The following WNT10A variants were observed in gnomAD, a reference collection of about 807,000 sequenced individuals.
The protein encoded by WNT10A is Wnt family member 10A.
A neutral mutation model predicts 36.1 loss-of-function variants in WNT10A; 37 were observed. The observed-to-expected ratio is 1.02, with a 90% confidence interval of 0.79 to 1.35. The LOEUF is 1.35. Among genes scored for constraint, WNT10A ranks in the 40% most tolerant of loss-of-function variants. The pLI is 0.00. For synonymous variants in WNT10A, 255 were observed against 254.1 expected (o/e 1.00, Z -0.03); for missense variants, 613 against 601.4 (o/e 1.02, Z -0.20).
At chr2:218,875,511 G>C in the WNT10A span, among the ~76,000 whole-genome samples, 9 of 152,158 alleles carry the variant, frequency 5.9e-5, no homozygotes, top group Non-Finnish European at 1.2e-4. Flanking sequence ...TCAAAGGAAA[G>C]TGTACCAAAC....
intron 1 of WNT10A, among the ~76,000 whole-genome samples, chr2:218,881,362 G>A (rs576027063): frequency 6.6e-6 from 1 of 152,164 alleles, no homozygotes; most frequent in Non-Finnish European, 1.5e-5. Context: ...GTGTGTGTGG[G>A]GGGGGAGCAA....
At chr2:218,875,967 AC>A (rs1039468032), upstream of WNT10A, among the ~76,000 whole-genome samples, 2 of 152,140 alleles carry the variant, frequency 1.3e-5, no homozygotes, top group Admixed American at 6.5e-5. Flanking sequence ...GTACAGCTGA[AC>A]CCAGGGGCTC....
intron 2 of WNT10A, among the ~76,000 whole-genome samples, chr2:218,884,873 T>C (rs6740465): frequency 0.041 from 6,184 of 152,304 alleles, 436 homozygotes; most frequent in African/African-American, 0.14. Context: ...TGCTGACCCC[T>C]TTTCTGACCC....
chr2:218,889,330 G>A (rs1944617751), intron 2 of WNT10A, among the ~76,000 whole-genome samples: 1 of 152,184 alleles, frequency 6.6e-6, no homozygotes, highest in South Asian at 2.1e-4. Flanking sequence ...TTGGTTGATG[G>A]GCATTTGGGC....
intron 2 of WNT10A, chr2:218,884,321 G>C (rs1041132981): frequency 9.3e-5 from 14 of 150,974 alleles, no homozygotes; most frequent in African/African-American, 2.2e-4. Context: ...TAATAAGCTC[G>C]AGGTGAGCTG....
Position 218,880,904 on chromosome 2 carries a change from G to A in WNT10A, c.-92G>A. On this transcript the variant is annotated 5_prime_UTR_variant, in exon 1 of 4. Transcript: ENST00000258411. This position sits in a 1 kb window ranked among gnomAD's most constrained non-coding sequence, Gnocchi z 7.7. ...CGGAGCTGTGTGTCGCAGCCGCCCC[G>A]ACCCCCCGCCGATCATGCGCCGGCG... The A allele has an allele frequency of 1.4e-6, 2 of 1,423,942 alleles. No homozygotes were observed. The highest frequency in any genetic ancestry group is 2.8e-5 in the Admixed American group (1 of 36,172). 88.2% of individuals were successfully genotyped at this position (1,423,942 alleles called of 1,614,324 possible). A position where few individuals can be genotyped will look rare whatever the true frequency, so the allele number is the denominator to read the frequency against.
In WNT10A at chr2:218,881,034, A is replaced by T. The variant is rs1944506244; in HGVS notation, c.39A>T (p.Arg13=). The change falls in exon 1 of 4, where the codon CGA becomes CGT. Residue 13 remains arginine (R), a synonymous_variant. Transcript: ENST00000258411. The part of the protein sequence containing the change: ...SAHPRPWLRL[R]PQPQPRPALW... ...ACCCTCGCCCCTGGCTGCGGCTCCG[A>T]CCCCAGCCCCAGCCGCGGCCAGCGC... 1 of 1,600,366 alleles carries T rather than the reference A, an allele frequency of 6.2e-7. No homozygotes were observed. The highest frequency in any genetic ancestry group is 8.5e-7 in the Non-Finnish European group (1 of 1,173,990).
chr2:218,886,215 G>A (rs962630813), intron 2 of WNT10A, among the ~76,000 whole-genome samples: 37 of 150,612 alleles, frequency 2.5e-4, no homozygotes, highest in African/African-American at 7.6e-4. Context: ...ATACGTGCAC[G>A]CACACACACA....
chr2:218,890,510 A>C, intron 3 of WNT10A, 147 bp downstream of exon 3: 3 of 1,197,996 alleles, frequency 2.5e-6, no homozygotes, highest in Non-Finnish European at 3.6e-6. Context: ...TTCAACAAAC[A>C]TGCACTGAGT....
intron 3 of WNT10A, among the ~76,000 whole-genome samples, chr2:218,890,629 C>G (rs1944640243): frequency 6.6e-6 from 1 of 152,190 alleles, no homozygotes; most frequent in African/African-American, 2.4e-5. Flanking sequence ...TCTCCTACTT[C>G]CTCGGGTGAT....
Position 218,890,332 on chromosome 2 carries a change from T to C in WNT10A, c.725T>C (p.Met242Thr), listed in dbSNP as rs370462053. The C allele has an allele frequency of 3.1e-6, 5 of 1,600,856 alleles. No individual in the cohort carries two copies. The highest frequency in any genetic ancestry group is 4.2e-6 in the Non-Finnish European group (5 of 1,179,910). The change falls in exon 3 of 4, where the codon ATG becomes ACG. Residue 242 changes from methionine (M) to threonine (T), a missense_variant. Met to Thr is a moderately conservative substitution (Grantham distance 81). Transcript: ENST00000258411. ...REPHRDIHAR[M>T]RLHNNRVGRQ... ...CCTCACAGAGACATCCACGCGAGAA[T>C]GAGGCTTCACAACAACCGAGTTGGG...
At chr2:218,881,160 G>T (rs1450606982) in intron 1 of WNT10A, 52 bp downstream of exon 1, 2 of 1,554,070 alleles carry the variant, frequency 1.3e-6, no homozygotes, top group East Asian at 2.4e-5. Flanking sequence ...ACCCCGGCCT[G>T]CAGGGGCCTC....
At chr2:218,879,175 G>C (rs1198794763), upstream of WNT10A, among the ~76,000 whole-genome samples, 3 of 150,760 alleles carry the variant, frequency 2.0e-5, no homozygotes, top group African/African-American at 4.9e-5. Flanking sequence ...GGAGTATGCC[G>C]TCAGCCTGCT....
intron 1 of WNT10A, among the ~76,000 whole-genome samples, chr2:218,881,540 C>CTGTGTGTGTGTGTGTG (rs142861827): frequency 3.5e-5 from 5 of 141,540 alleles, no homozygotes; most frequent in Non-Finnish European, 6.0e-5. Flanking sequence ...GCTGCAAGAG[C>CTGTGTGTGTGTGTGTG]TGTGTGTGTG....
intron 3 of WNT10A, among the ~76,000 whole-genome samples, chr2:218,891,280 T>C (rs1378867851): frequency 6.6e-6 from 1 of 152,236 alleles, no homozygotes; most frequent in Non-Finnish European, 1.5e-5. Context: ...TCTGATGCCC[T>C]GTTGGCTCTC....
At position 218,893,646 on chromosome 2, in the gene WNT10A, G is replaced by A. The variant is rs575536603; in HGVS notation, c.*375G>A. On this transcript the variant is annotated 3_prime_UTR_variant, in exon 4 of 4. Transcript: ENST00000258411. This position sits in a 1 kb window ranked among gnomAD's most constrained non-coding sequence, Gnocchi z 6.3. ...AGGTGGGGAATGAATGGAAGCTGAC[G>A]GGCAGAGAGAGGAGGATTAAAAAAA... 2 of 255,458 alleles carry A rather than the reference G, an allele frequency of 7.8e-6. No homozygotes were observed. The highest frequency in any genetic ancestry group is 2.2e-5 in the African/African-American group (1 of 45,230). 15.8% of individuals were successfully genotyped at this position (255,458 alleles called of 1,614,324 possible). A position where few individuals can be genotyped will look rare whatever the true frequency, so the allele number is the denominator to read the frequency against.
intron 2 of WNT10A, among the ~76,000 whole-genome samples, chr2:218,888,205 G>A (rs1289840125): frequency 6.6e-6 from 1 of 152,254 alleles, no homozygotes; most frequent in Non-Finnish European, 1.5e-5. Context: ...TCTCTGGTGT[G>A]CGGAGGCTGG....
At chr2:218,888,423 C>T (rs887336908) in intron 2 of WNT10A, among the ~76,000 whole-genome samples, 5 of 152,232 alleles carry the variant, frequency 3.3e-5, no homozygotes, top group African/African-American at 7.2e-5. Flanking sequence ...CCGGCCTAGC[C>T]GCGGCCCCCA....
At position 218,882,341 on chromosome 2, in the gene WNT10A, C is replaced by A. The variant is rs1244745229; in HGVS notation, c.294C>A (p.His98Gln). ...GIQIAIHECQ[H>Q]QFRDQRWNCS... ...AGATCGCCATCCACGAATGCCAACA[C>A]CAATTCAGGGACCAGCGCTGGAACT... The change falls in exon 2 of 4, where the codon CAC becomes CAA. Residue 98 changes from histidine to glutamine, a missense_variant. Coordinates refer to ENST00000258411, the MANE Select transcript of WNT10A (RefSeq NM_025216.3). 33 of 1,614,058 alleles carry A rather than the reference C, an allele frequency of 2.0e-5. No individual in the cohort carries two copies. In the Admixed American group the frequency reaches 4.5e-4, roughly 22 times the overall value.
Sources: allele counts gnomAD v4.1 joint callset (sites outside exome capture counted in the v4.1 genomes callset), GRCh38; gene constraint gnomAD v4.1.1; non-coding constraint Gnocchi (gnomAD v3.1); transcripts MANE v1.5; gene names NCBI Gene and HGNC (gene_info 2026-07-23, HGNC 2026-07-21).